Variants in DPP10 observed in about 807,000 individuals in gnomAD.
The protein encoded by DPP10 is dipeptidyl peptidase like 10.
DPP10 carries 33 observed loss-of-function variants against 120.9 expected under a neutral mutation model. The observed-to-expected ratio is 0.27, with a 90% CI of 0.21 to 0.37. DPP10 has a LOEUF of 0.37. Ranked by LOEUF, DPP10 falls within the 10% of genes least tolerant of loss-of-function variation. The pLI is 1.00. For missense variants in DPP10, 816 were observed against 942.8 expected (o/e 0.87, Z 1.76); for synonymous variants, 337 against 326.1 (o/e 1.03, Z -0.36).
chr2:114,914,777 C>T (rs1393787915), intron 1 of DPP10, among the ~76,000 whole-genome samples: 1 of 152,184 alleles, frequency 6.6e-6, no homozygotes, highest in Non-Finnish European at 1.5e-5. Context: ...TAAAACAAGA[C>T]CCAACTGTAT....
rs574435598 is a variant in DPP10, at chr2:114,557,944, A to G, written c.60+115106A>G. ...TCTTGAATTCTTTTTCCAAATGTTCATTCTTCTCCCTCTGTATGTCCCTCA... is the reference window on the plus strand; with the variant it reads ...TCTTGAATTCTTTTTCCAAATGTTCGTTCTTCTCCCTCTGTATGTCCCTCA... On this transcript the variant is annotated intron_variant, in intron 1 of 25. Coordinates refer to ENST00000410059, the MANE Select transcript of DPP10 (RefSeq NM_020868.6). Among the ~76,000 whole-genome samples, 12 of 152,250 alleles carry G rather than the reference A, an allele frequency of 7.9e-5. No homozygotes were observed. The East Asian group carries it at 2.3e-3, about 29-fold the overall frequency.
At position 115,836,173 on chromosome 2, in the gene DPP10, T is replaced by G. The variant is rs769705604; in HGVS notation, c.1967T>G (p.Ile656Ser). ...SIFGKGYGGY[I>S]ASMILKSDEK... ...CCCCCCCAGGGTTATGGTGGCTATA[T>G]TGCATCAATGATCTTAAAATCAGAT... The change falls in exon 22 of 26, where the codon ATT becomes AGT. Residue 656 changes from isoleucine to serine, a missense_variant. Coordinates refer to ENST00000410059, the MANE Select transcript of DPP10 (RefSeq NM_020868.6). 1.7e-5 allele frequency: 27 copies of G among 1,600,682 alleles called. No homozygotes were observed. Among genetic ancestry groups the G allele is most frequent in the East Asian group, 9.0e-5 (4 of 44,210 alleles).
chr2:114,874,761 T>A (rs1428741184), intron 1 of DPP10, among the ~76,000 whole-genome samples: 8 of 152,122 alleles, frequency 5.3e-5, no homozygotes, highest in Non-Finnish European at 1.5e-5. Context: ...GGTTGGGGAC[T>A]GCTGGTATAG....
At chr2:115,785,937 T>C (rs1259144908) in intron 17 of DPP10, among the ~76,000 whole-genome samples, 1 of 151,886 alleles carries the variant, frequency 6.6e-6, no homozygotes, top group Non-Finnish European at 1.5e-5. Context: ...GCATTTAAAA[T>C]TAAATGCTTA....
rs1348001277 is a variant in DPP10 at position 115,244,239 on chromosome 2, T to TATAGAGAG, written c.61-64999_61-64998insTAGAGAGA. On this transcript the variant is annotated intron_variant, in intron 1 of 25. Transcript: ENST00000410059. ...GTGTATATATATATATATATATATA[T>TATAGAGAG]AGAGAGAGAGAGAGAGAGAGAGAGA... Among the ~76,000 whole-genome samples, 28 of 93,480 alleles carry TATAGAGAG rather than the reference T, an allele frequency of 3.0e-4. 1 individual carries two copies. The highest frequency in any genetic ancestry group is 2.9e-3 in the Admixed American group (24 of 8,164). 61.3% of individuals were successfully genotyped at this position (93,480 alleles called of 152,430 possible). A position where few individuals can be genotyped will look rare whatever the true frequency, so the allele number is the denominator to read the frequency against.
chr2:114,587,414 C>G lies in DPP10; in HGVS notation c.60+144576C>G, dbSNP rs373835385. On this transcript the variant is annotated intron_variant, in intron 1 of 25. Transcript: ENST00000410059. ...AATGGACTAAGGTAGCCATGTAGGT[C>G]TTTGATCATTTTTAAACTGATTTTT... is the stretch of plus-strand genomic sequence containing the variant. Among the ~76,000 whole-genome samples, 10 of 151,448 alleles carry G rather than the reference C, an allele frequency of 6.6e-5. 1 individual carries two copies. The East Asian group carries it at 1.2e-3, about 18-fold the overall frequency.
chr2:115,322,755 A>AT (rs959424535), intron 2 of DPP10, among the ~76,000 whole-genome samples: 2 of 151,502 alleles, frequency 1.3e-5, no homozygotes, highest in African/African-American at 2.4e-5. Flanking sequence ...AAATCATACA[A>AT]TTTTTTTTTG....
At chr2:115,116,988 T>C (rs1310125116) in intron 1 of DPP10, among the ~76,000 whole-genome samples, 2 of 152,224 alleles carry the variant, frequency 1.3e-5, no homozygotes, top group African/African-American at 4.8e-5. Context: ...ATCTTTTCCA[T>C]TTGCTGTATC....
chr2:115,621,717 G>A (rs1032278825), intron 5 of DPP10, among the ~76,000 whole-genome samples: 6 of 152,086 alleles, frequency 3.9e-5, no homozygotes, highest in African/African-American at 1.2e-4. Flanking sequence ...TTCGCTCTTC[G>A]TGCCCAGGCT....
At chr2:115,227,404 C>G (rs2105460655) in intron 1 of DPP10, among the ~76,000 whole-genome samples, 1 of 152,186 alleles carries the variant, frequency 6.6e-6, no homozygotes, top group Admixed American at 6.5e-5. Context: ...CTTTCTTTTA[C>G]TCTCTTTTTC....
chr2:115,007,346 C>A (rs1024398812), intron 1 of DPP10, among the ~76,000 whole-genome samples: 2 of 152,156 alleles, frequency 1.3e-5, no homozygotes, highest in African/African-American at 2.4e-5. Context: ...TCAATAGATG[C>A]AGAAAAGGCC....
chr2:114,502,284 A>G (rs907802546), intron 1 of DPP10, among the ~76,000 whole-genome samples: 2 of 151,504 alleles, frequency 1.3e-5, no homozygotes, highest in African/African-American at 4.9e-5. Context: ...ACTTTTTGGT[A>G]AATCCACGTG....
chr2:115,431,490 C>T (rs771802253), intron 3 of DPP10, among the ~76,000 whole-genome samples: 1 of 152,116 alleles, frequency 6.6e-6, no homozygotes, highest in Non-Finnish European at 1.5e-5. Flanking sequence ...TCTGATACTG[C>T]AGTGGTGTAG....
intron 1 of DPP10, among the ~76,000 whole-genome samples, chr2:114,479,214 T>G (rs1380380966): frequency 6.6e-6 from 1 of 152,208 alleles, no homozygotes; most frequent in African/African-American, 2.4e-5. Context: ...GTTTCTGTTT[T>G]GTTTTGTTTT....
chr2:115,619,477 T>C (rs150676504), intron 5 of DPP10, among the ~76,000 whole-genome samples: 1 of 152,332 alleles, frequency 6.6e-6, no homozygotes, highest in African/African-American at 2.4e-5. Flanking sequence ...ATCCTTCGCA[T>C]GACATTGCCT....
chr2:115,003,451 C>G (rs976206430), intron 1 of DPP10, among the ~76,000 whole-genome samples: 1 of 151,808 alleles, frequency 6.6e-6, no homozygotes, highest in Non-Finnish European at 1.5e-5. Context: ...AATATATACA[C>G]GAAACCCCCA....
At chr2:115,626,641 T>A (rs2085389020) in intron 5 of DPP10, among the ~76,000 whole-genome samples, 1 of 152,150 alleles carries the variant, frequency 6.6e-6, no homozygotes, top group African/African-American at 2.4e-5. Context: ...ATTAGCATGG[T>A]TGGAAGAAAG....
At chr2:114,566,589 A>T (rs1249727842) in intron 1 of DPP10, among the ~76,000 whole-genome samples, 3 of 152,200 alleles carry the variant, frequency 2.0e-5, no homozygotes, top group African/African-American at 4.8e-5. Context: ...TATTCAGGAA[A>T]GTCCATTTTA....
At chr2:114,914,252 T>A (rs1166441869) in intron 1 of DPP10, among the ~76,000 whole-genome samples, 1 of 152,170 alleles carries the variant, frequency 6.6e-6, no homozygotes, top group Non-Finnish European at 1.5e-5. Context: ...ACAAGACACG[T>A]AGTCATCGTA....
Sources: allele counts gnomAD v4.1 joint callset (sites outside exome capture counted in the v4.1 genomes callset), GRCh38; gene constraint gnomAD v4.1.1; transcripts MANE v1.5; gene names NCBI Gene and HGNC (gene_info 2026-07-23, HGNC 2026-07-21).